The following KATNIP variants were observed in gnomAD, a reference collection of about 807,000 sequenced individuals.
KATNIP encodes katanin-interacting protein.
In KATNIP, 126 loss-of-function variants were observed where a neutral mutation model predicts 174.0. The observed-to-expected ratio is 0.72, with a 90% CI of 0.63 to 0.84. The LOEUF is 0.84. KATNIP is among the 40% of genes least tolerant of loss of function. The pLI is 0.00. For missense variants in KATNIP, 1,958 were observed against 2,109.7 expected (o/e 0.93, Z 1.41); for synonymous variants, 810 against 835.7 (o/e 0.97, Z 0.53).
chr16:27,682,614 G>A (rs1338714331), intron 8 of KATNIP, among the ~76,000 whole-genome samples: 1 of 152,154 alleles, frequency 6.6e-6, no homozygotes, highest in East Asian at 1.9e-4. Context: ...TATGAGATTA[G>A]TTGTGACTTT....
At chr16:27,556,739 T>G (rs2089643513) in intron 1 of KATNIP, among the ~76,000 whole-genome samples, 2 of 152,178 alleles carry the variant, frequency 1.3e-5, no homozygotes, top group South Asian at 4.1e-4. Flanking sequence ...ACCTGGCTTC[T>G]TGGTGATTTG....
Position 27,769,826 on chromosome 16 carries a change from C to G in KATNIP, c.3976-35C>G, listed in dbSNP as rs1325741766. 7 of 1,604,990 alleles carry G rather than the reference C, an allele frequency of 4.4e-6. No individual in the cohort carries two copies. In the Admixed American group the frequency reaches 1.0e-4, roughly 23 times the overall value. On this transcript the variant is annotated intron_variant, in intron 20 of 27. Transcript: ENST00000261588. ...CCGCTTCTGTCCCCACATGGCCTGC[C>G]TCCCTTCAGTCATGTTATTTCTTTT...
intron 1 of KATNIP, among the ~76,000 whole-genome samples, chr16:27,566,805 G>A (rs139001989): frequency 1.3e-3 from 194 of 152,322 alleles, no homozygotes; most frequent in African/African-American, 4.0e-3. Context: ...CGGGGAAGAA[G>A]CTGACAATGG....
chr16:27,748,979 C>T (rs937828119), intron 15 of KATNIP, among the ~76,000 whole-genome samples: 5 of 152,088 alleles, frequency 3.3e-5, no homozygotes, highest in South Asian at 2.1e-4. Flanking sequence ...TTCCTTTTAA[C>T]GTTCTTTTAC....
chr16:27,674,524 A>G (rs1159177831), intron 6 of KATNIP, among the ~76,000 whole-genome samples: 2 of 151,634 alleles, frequency 1.3e-5, no homozygotes, highest in Non-Finnish European at 2.9e-5. Context: ...ACTATAGCTC[A>G]CTCCTCCCTG....
intron 14 of KATNIP, among the ~76,000 whole-genome samples, chr16:27,737,825 A>G (rs1025460615): frequency 2.0e-5 from 3 of 152,146 alleles, no homozygotes; most frequent in African/African-American, 7.2e-5. Context: ...TACTTTAGGA[A>G]CCAGACACTT....
intron 1 of KATNIP, among the ~76,000 whole-genome samples, chr16:27,570,860 G>A (rs1240126356): frequency 1.3e-5 from 2 of 152,192 alleles, no homozygotes; most frequent in Non-Finnish European, 2.9e-5. Flanking sequence ...TGTGAAGACA[G>A]TATATACGGT....
At chr16:27,681,645 C>G (rs999405136) in intron 8 of KATNIP, 115 bp downstream of exon 8, 1 of 1,193,510 alleles carries the variant, frequency 8.4e-7, no homozygotes, top group African/African-American at 1.5e-5. Flanking sequence ...GCTAGCTGCC[C>G]TTTAGCAAAT....
intron 2 of KATNIP, among the ~76,000 whole-genome samples, chr16:27,603,435 G>T (rs1173717712): frequency 6.6e-6 from 1 of 152,200 alleles, no homozygotes; most frequent in Non-Finnish European, 1.5e-5. Context: ...AGGCAAGATA[G>T]AATTGGTTAT....
At chr16:27,617,492 C>T (rs906360591) in intron 2 of KATNIP, among the ~76,000 whole-genome samples, 3 of 152,162 alleles carry the variant, frequency 2.0e-5, no homozygotes, top group Admixed American at 6.5e-5. Flanking sequence ...TTGGCAAGGC[C>T]AAGGTCATGT....
chr16:27,722,109 G>A (rs926731456), intron 14 of KATNIP, among the ~76,000 whole-genome samples: 16 of 152,104 alleles, frequency 1.1e-4, no homozygotes, highest in Admixed American at 9.8e-4. Flanking sequence ...ACTCATCTGC[G>A]GGATCTTGCT....
chr16:27,620,987 T>G (rs1194312513), intron 3 of KATNIP, among the ~76,000 whole-genome samples: 2 of 152,220 alleles, frequency 1.3e-5, no homozygotes, highest in Non-Finnish European at 2.9e-5. Context: ...TAGGAAACAC[T>G]GGCTCATGGA....
chr16:27,568,682 C>T (rs1401197147), intron 1 of KATNIP, among the ~76,000 whole-genome samples: 1 of 152,136 alleles, frequency 6.6e-6, no homozygotes, highest in Non-Finnish European at 1.5e-5. Context: ...CCAGGATGGT[C>T]TCAATCTCTT....
At chr16:27,597,412 T>C (rs1375759237) in intron 2 of KATNIP, among the ~76,000 whole-genome samples, 4 of 131,590 alleles carry the variant, frequency 3.0e-5, no homozygotes, top group African/African-American at 1.1e-4. Flanking sequence ...CTTTTTTTTT[T>C]TTTTTTTTTT....
chr16:27,654,794 A>G, intron 6 of KATNIP: 5 of 1,339,770 alleles, frequency 3.7e-6, no homozygotes, highest in Non-Finnish European at 4.0e-6. Flanking sequence ...TCCGTAGCCA[A>G]GCAGCTGTGC....
intron 5 of KATNIP, among the ~76,000 whole-genome samples, chr16:27,631,956 T>A (rs139401652): frequency 5.3e-5 from 8 of 152,162 alleles, no homozygotes; most frequent in Non-Finnish European, 1.2e-4. Flanking sequence ...TCCTTTGCCC[T>A]CCCAGCAGAA....
intron 8 of KATNIP, among the ~76,000 whole-genome samples, chr16:27,697,592 A>C (rs2078957797): frequency 6.7e-6 from 1 of 149,464 alleles, no homozygotes; most frequent in Non-Finnish European, 1.5e-5. Context: ...TAATTATATA[A>C]AAATTATATA....
At chr16:27,627,740 C>T (rs1056806710) in intron 3 of KATNIP, among the ~76,000 whole-genome samples, 1 of 152,092 alleles carries the variant, frequency 6.6e-6, no homozygotes, top group Non-Finnish European at 1.5e-5. Context: ...ATTTGATTGG[C>T]ACTTATTTAA....
intron 2 of KATNIP, among the ~76,000 whole-genome samples, chr16:27,601,284 T>C (rs1385291573): frequency 6.6e-6 from 1 of 152,094 alleles, no homozygotes; most frequent in Non-Finnish European, 1.5e-5. Flanking sequence ...GGGGAGGCCA[T>C]GTGTAAATGA....
Sources: allele counts gnomAD v4.1 joint callset (sites outside exome capture counted in the v4.1 genomes callset), GRCh38; gene constraint gnomAD v4.1.1; transcripts MANE v1.5; gene names NCBI Gene and HGNC (gene_info 2026-07-23, HGNC 2026-07-21).